The following RGS6 variants were observed in gnomAD, a reference collection of about 807,000 sequenced individuals.
The protein encoded by RGS6 is regulator of G protein signaling 6, also known as regulator of G-protein signaling 6.
Under a neutral mutation model 78.5 loss-of-function variants are expected in RGS6, and 30 were observed. The ratio of observed to expected loss-of-function variants is 0.38; its 90% CI spans 0.29 to 0.52. The LOEUF is 0.52. RGS6 is among the 20% of genes least tolerant of loss of function. RGS6 has a pLI of 0.85. For synonymous variants in RGS6, 206 were observed against 206.0 expected, an observed-to-expected ratio of 1.00 and a Z score of 0.00; for missense variants, 495 against 609.7, an observed-to-expected ratio of 0.81 and a Z score of 1.98.
chr14:71,957,942 T>C (rs2153024724), intron 1 of RGS6, among the ~76,000 whole-genome samples: 1 of 151,874 alleles, frequency 6.6e-6, no homozygotes, highest in South Asian at 2.1e-4. Context: ...AATTTTTGTA[T>C]TTTTTTGTAG....
chr14:71,989,337 A>C (rs1011019025), intron 2 of RGS6, among the ~76,000 whole-genome samples: 7 of 152,242 alleles, frequency 4.6e-5, no homozygotes, highest in Non-Finnish European at 1.0e-4. Context: ...GGAACAAGAC[A>C]ACCACCTGGG....
At chr14:72,152,008 G>T (rs1011249038) in intron 2 of RGS6, among the ~76,000 whole-genome samples, 4 of 152,098 alleles carry the variant, frequency 2.6e-5, no homozygotes, top group Admixed American at 1.3e-4. Context: ...AAGGAGATTT[G>T]GGTTGACTGC....
Position 72,249,061 on chromosome 14 carries a change from C to T in RGS6, c.85-103034C>T, listed in dbSNP as rs149501936. Among the ~76,000 whole-genome samples, 558 of 152,252 alleles carry T rather than the reference C, an allele frequency of 3.7e-3. 3 individuals are homozygous for T. Among genetic ancestry groups the T allele is most frequent in the African/African-American group, 0.012 (519 of 41,538 alleles). ...AATTTTTAGCTGGGACTCCCTGTAACAAAAGGTAGATTAACAAGGGAAAGC... is the reference window on the plus strand; with the variant it reads ...AATTTTTAGCTGGGACTCCCTGTAATAAAAGGTAGATTAACAAGGGAAAGC... On this transcript the variant is annotated intron_variant, in intron 2 of 17. Coordinates refer to ENST00000553525, the MANE Select transcript of RGS6 (RefSeq NM_001204424.2).
chr14:72,080,197 A>G (rs1484452928), intron 2 of RGS6, among the ~76,000 whole-genome samples: 4 of 152,040 alleles, frequency 2.6e-5, no homozygotes, highest in African/African-American at 7.2e-5. Flanking sequence ...GCCACACATT[A>G]TCTTTCGTCT....
intron 2 of RGS6, among the ~76,000 whole-genome samples, chr14:72,287,571 C>T (rs1392144064): frequency 6.6e-6 from 1 of 152,156 alleles, no homozygotes; most frequent in Non-Finnish European, 1.5e-5. Context: ...ATTCTCCTGC[C>T]TCAGCCTCCC....
intron 2 of RGS6, among the ~76,000 whole-genome samples, chr14:72,088,553 T>G (rs1188278194): frequency 6.6e-6 from 1 of 152,210 alleles, no homozygotes; most frequent in Non-Finnish European, 1.5e-5. Context: ...CCATCATCTC[T>G]TGTTCGGATA....
At chr14:72,357,892 C>T (rs2080666181) in intron 3 of RGS6, among the ~76,000 whole-genome samples, 1 of 152,312 alleles carries the variant, frequency 6.6e-6, no homozygotes, top group East Asian at 1.9e-4. Context: ...CAAGGCAGCA[C>T]CTCCCACCAC....
At chr14:71,908,619 G>A in the RGS6 span, among the ~76,000 whole-genome samples, 1 of 152,150 alleles carries the variant, frequency 6.6e-6, no homozygotes, top group Non-Finnish European at 1.5e-5. Flanking sequence ...GGCACAATGA[G>A]GCCACAGGAG....
At chr14:72,163,825 G>T (rs1045602859) in intron 2 of RGS6, among the ~76,000 whole-genome samples, 1 of 150,854 alleles carries the variant, frequency 6.6e-6, no homozygotes. Flanking sequence ...AATGGTTGCA[G>T]TGAGCCAAGA....
At chr14:71,978,896 AC>A (rs1398997311) in intron 2 of RGS6, among the ~76,000 whole-genome samples, 4 of 141,706 alleles carry the variant, frequency 2.8e-5, no homozygotes, top group African/African-American at 5.1e-5. Flanking sequence ...CTGGTCCTGG[AC>A]TCTTTTTGGT....
intron 2 of RGS6, among the ~76,000 whole-genome samples, chr14:72,091,772 A>G (rs1416306005): frequency 6.6e-6 from 1 of 152,084 alleles, no homozygotes; most frequent in East Asian, 1.9e-4. Context: ...CCTCAGATGT[A>G]CTCACTTCAT....
intron 2 of RGS6, among the ~76,000 whole-genome samples, chr14:72,056,685 C>A (rs916911133): frequency 1.3e-5 from 2 of 152,200 alleles, no homozygotes; most frequent in African/African-American, 4.8e-5. Context: ...CCCTCCCCTG[C>A]CACCCCACAG....
intron 2 of RGS6, among the ~76,000 whole-genome samples, chr14:72,255,303 A>T (rs1237047352): frequency 1.3e-5 from 2 of 152,014 alleles, no homozygotes; most frequent in Non-Finnish European, 2.9e-5. Flanking sequence ...CACTTAAGGG[A>T]AGTGGTGGGA....
intron 2 of RGS6, among the ~76,000 whole-genome samples, chr14:72,089,162 T>G (rs1215150680): frequency 6.6e-6 from 1 of 152,228 alleles, no homozygotes; most frequent in African/African-American, 2.4e-5. Flanking sequence ...CAATTCCTTG[T>G]GCCCACAACA....
chr14:72,321,607 C>T (rs1435281741), intron 2 of RGS6, among the ~76,000 whole-genome samples: 2 of 151,824 alleles, frequency 1.3e-5, no homozygotes, highest in Non-Finnish European at 2.9e-5. Context: ...AAACAAGAAA[C>T]ATAAAGACAA....
At chr14:72,336,765 A>G (rs1311247073) in intron 2 of RGS6, among the ~76,000 whole-genome samples, 1 of 152,100 alleles carries the variant, frequency 6.6e-6, no homozygotes, top group Non-Finnish European at 1.5e-5. Flanking sequence ...TCTGGAGACC[A>G]GAAGTCTACG....
At chr14:72,369,740 A>C (rs1211388817) in intron 3 of RGS6, among the ~76,000 whole-genome samples, 1 of 152,206 alleles carries the variant, frequency 6.6e-6, no homozygotes, top group Non-Finnish European at 1.5e-5. Flanking sequence ...TAAAGTTATA[A>C]ATTGTATTTG....
upstream of RGS6, among the ~76,000 whole-genome samples, chr14:71,930,977 C>CAAAAAAAAAAAAAAAAAAA (rs58649273): frequency 1.2e-4 from 2 of 16,648 alleles, no homozygotes; most frequent in African/African-American, 1.5e-4. Context: ...AACTACGTCT[C>CAAAAAAAAAAAAAAAAAAA]AAAAAAAAAA....
intron 2 of RGS6, among the ~76,000 whole-genome samples, chr14:72,287,408 T>A (rs1324802499): frequency 6.6e-6 from 1 of 152,190 alleles, no homozygotes; most frequent in Non-Finnish European, 1.5e-5. Flanking sequence ...AGCTTTTATT[T>A]TTCGTTAGTA....
Sources: gnomAD v4.1 joint callset for allele counts (sites outside exome capture counted in the v4.1 genomes callset) on GRCh38, gnomAD v4.1.1 for gene constraint, MANE v1.5 for transcripts, NCBI Gene and HGNC (gene_info 2026-07-23, HGNC 2026-07-21) for gene names.